Variants in PRKAR1A observed in about 807,000 individuals in gnomAD.
PRKAR1A encodes cAMP-dependent protein kinase type I-alpha regulatory subunit.
Under a neutral mutation model 52.0 loss-of-function variants are expected in PRKAR1A, and 3 were observed. That is an observed-to-expected ratio of 0.06 (90% CI 0.03 to 0.15). The LOEUF (loss-of-function observed/expected upper bound fraction) is 0.15. Among genes scored for constraint, PRKAR1A ranks in the 10% least tolerant of loss-of-function variants. The probability of loss-of-function intolerance (pLI) is 1.00; values close to 1 mark genes in which losing one functional copy is unlikely to be tolerated. For missense variants in PRKAR1A, 240 were observed against 477.4 expected, an observed-to-expected ratio of 0.50 and a Z score of 4.63; for synonymous variants, 188 against 168.4, an observed-to-expected ratio of 1.12 and a Z score of -0.90.
At chr17:68,542,566 C>T in intron 11 of PRKAR1A, 2 of 770,818 alleles carry the variant, frequency 2.6e-6, no homozygotes, top group South Asian at 2.8e-5. Context: ...TGTCTTACAA[C>T]TTCATACGCC....
chr17:68,529,937 A>G lies in PRKAR1A; in HGVS notation c.909A>G (p.Leu303=), dbSNP rs2085918142. The change falls in exon 10 of 11, where the codon CTA becomes CTG. Residue 303 remains leucine (L), a synonymous_variant. Transcript: ENST00000589228. ...TATTATAGGGGTCAGCTGCTGTGCTACAACGTCGGTCAGAAAATGAAGAGT... is the reference window on the plus strand; with the variant it reads ...TATTATAGGGGTCAGCTGCTGTGCTGCAACGTCGGTCAGAAAATGAAGAGT... The part of the protein sequence containing the change: ...FIILEGSAAV[L]QRRSENEEFV... 3 of 1,613,998 alleles carry G rather than the reference A, an allele frequency of 1.9e-6. No homozygotes were observed. The highest frequency in any genetic ancestry group is 2.5e-6 in the Non-Finnish European group (3 of 1,179,984).
the PRKAR1A span, among the ~76,000 whole-genome samples, chr17:68,464,349 G>A: frequency 6.6e-6 from 1 of 152,048 alleles, no homozygotes; most frequent in African/African-American, 2.4e-5. Flanking sequence ...ACACAAACCT[G>A]GCAAAAAGCC....
At chr17:68,507,705 A>AT (rs1387530864), upstream of PRKAR1A, among the ~76,000 whole-genome samples, 3 of 152,166 alleles carry the variant, frequency 2.0e-5, no homozygotes, top group African/African-American at 7.2e-5. Context: ...ATCTTTTCAC[A>AT]TTAAAAAAAA....
At chr17:68,453,936 G>A in the PRKAR1A span, among the ~76,000 whole-genome samples, 1 of 152,114 alleles carries the variant, frequency 6.6e-6, no homozygotes, top group African/African-American at 2.4e-5. Context: ...TGGATTTGAA[G>A]TTCAAGTATT....
At chr17:68,523,660 C>A in intron 3 of PRKAR1A, 65 bp from the exon 4 acceptor site, 1 of 1,243,522 alleles carries the variant, frequency 8.0e-7, no homozygotes, top group Non-Finnish European at 1.2e-6. Flanking sequence ...AATTGAAGCG[C>A]AGGTTGCAAA....
At chr17:68,462,709 C>T in the PRKAR1A span, among the ~76,000 whole-genome samples, 481 of 152,234 alleles carry the variant, frequency 3.2e-3, 4 homozygotes, top group African/African-American at 0.011. Context: ...TTGCCTGTCA[C>T]GCTGTCTCTT....
At chr17:68,513,109 C>T (rs956611116) in intron 1 of PRKAR1A, 1 of 126,244 alleles carries the variant, frequency 7.9e-6, no homozygotes, top group East Asian at 2.6e-4. Flanking sequence ...CCCCTTTCAC[C>T]TCTCTCCCTT....
the PRKAR1A span, among the ~76,000 whole-genome samples, chr17:68,434,203 G>A: frequency 2.0e-5 from 3 of 152,132 alleles, no homozygotes; most frequent in Non-Finnish European, 2.9e-5. Flanking sequence ...ACCTACATCC[G>A]ATAAGATCCC....
At chr17:68,457,509 C>A in the PRKAR1A span, 28 of 1,134,100 alleles carry the variant, frequency 2.5e-5, no homozygotes, top group Non-Finnish European at 2.9e-5. Flanking sequence ...GCCGGGTCGC[C>A]GGTCCTGCCC....
chr17:68,520,312 C>G (rs180955983), intron 2 of PRKAR1A, among the ~76,000 whole-genome samples: 1 of 152,122 alleles, frequency 6.6e-6, no homozygotes, highest in Non-Finnish European at 1.5e-5. Context: ...AACAAATAAT[C>G]GGGAAAACAT....
the PRKAR1A span, among the ~76,000 whole-genome samples, chr17:68,492,239 G>A: frequency 1.3e-5 from 2 of 152,186 alleles, no homozygotes; most frequent in South Asian, 4.1e-4. Context: ...CAGAAGAACA[G>A]GCAGTGCGGG....
At chr17:68,548,170 A>G (rs528826765) in intron 11 of PRKAR1A, among the ~76,000 whole-genome samples, 2 of 152,310 alleles carry the variant, frequency 1.3e-5, no homozygotes, top group East Asian at 3.9e-4. Context: ...CAAGGTTGGC[A>G]ATCACTTGAG....
the PRKAR1A span, among the ~76,000 whole-genome samples, chr17:68,504,447 C>A: frequency 6.6e-6 from 1 of 152,052 alleles, no homozygotes; most frequent in Non-Finnish European, 1.5e-5. Flanking sequence ...AGCCTGGCGA[C>A]AGAGTGAGGT....
chr17:68,543,573 C>G (rs748626276), intron 11 of PRKAR1A: 10 of 1,497,508 alleles, frequency 6.7e-6, no homozygotes, highest in Non-Finnish European at 6.5e-6. Context: ...TCTAGCCACC[C>G]CTCCCAGAGG....
chr17:68,435,836 C>T, the PRKAR1A span: 2 of 849,574 alleles, frequency 2.4e-6, no homozygotes, highest in South Asian at 1.6e-5. Context: ...CTTCCTCTGT[C>T]CCCCAGGCCA....
the PRKAR1A span, among the ~76,000 whole-genome samples, chr17:68,478,250 G>A: frequency 3.3e-5 from 5 of 152,198 alleles, no homozygotes; most frequent in South Asian, 1.0e-3. Context: ...TCAGGAGATC[G>A]AGACTATCCT....
chr17:68,445,876 C>A, the PRKAR1A span, among the ~76,000 whole-genome samples: 3 of 152,144 alleles, frequency 2.0e-5, no homozygotes, highest in African/African-American at 7.2e-5. Context: ...ACCTGGATGC[C>A]CAAGGAGCTG....
chr17:68,513,953 T>G (rs1007391058), intron 1 of PRKAR1A, among the ~76,000 whole-genome samples: 6 of 152,238 alleles, frequency 3.9e-5, no homozygotes, highest in African/African-American at 1.4e-4. Flanking sequence ...TTGGTGGCCT[T>G]TAAGTATTAT....
chr17:68,548,721 G>GTTT (rs1568732995), intron 11 of PRKAR1A, among the ~76,000 whole-genome samples: 2 of 132,900 alleles, frequency 1.5e-5, no homozygotes, highest in Admixed American at 7.8e-5. Context: ...AGCTATGCCT[G>GTTT]TATATTTTTT....
Sources: allele counts gnomAD v4.1 joint callset (sites outside exome capture counted in the v4.1 genomes callset), GRCh38; gene constraint gnomAD v4.1.1; transcripts MANE v1.5; gene names NCBI Gene and HGNC (gene_info 2026-07-23, HGNC 2026-07-21).